TBCK: variants seen among roughly 807,000 people sequenced by gnomAD.
The protein encoded by TBCK is TBC1 domain containing kinase.
A neutral mutation model predicts 113.4 loss-of-function variants in TBCK; 99 were observed. The observed-to-expected ratio is 0.87, with a 90% CI of 0.74 to 1.03. The LOEUF (loss-of-function observed/expected upper bound fraction) is 1.03, where lower values mean the gene tolerates loss of function less well. Ranked by LOEUF, TBCK falls within the 50% of genes least tolerant of loss-of-function variation. The pLI is 0.00. For missense variants in TBCK, 1,045 were observed against 1,061.3 expected, an observed-to-expected ratio of 0.98 and a Z score of 0.21; for synonymous variants, 369 against 370.8, an observed-to-expected ratio of 1.00 and a Z score of 0.05.
At chr4:106,185,356 C>A (rs924275991) in intron 22 of TBCK, among the ~76,000 whole-genome samples, 1 of 151,980 alleles carries the variant, frequency 6.6e-6, no homozygotes, top group Non-Finnish European at 1.5e-5. Flanking sequence ...ACATGAGATT[C>A]ACCCTCTTAC....
At chr4:106,173,524 G>A (rs967264250) in intron 22 of TBCK, among the ~76,000 whole-genome samples, 2 of 152,098 alleles carry the variant, frequency 1.3e-5, no homozygotes, top group African/African-American at 4.8e-5. Context: ...TTGAAGGTGA[G>A]TCAGTGATCT....
Position 106,192,670 on chromosome 4 carries a change from G to A in TBCK, c.2059+939C>T, listed in dbSNP as rs189567574. ...TGATAAAAAATTTCAACAGAGAGGCGGTAAAGTACCAAGTACAGATCATCC... is the reference window on the plus strand; with the variant it reads ...TGATAAAAAATTTCAACAGAGAGGCAGTAAAGTACCAAGTACAGATCATCC... On this transcript the variant is annotated intron_variant, in intron 22 of 25. Coordinates refer to ENST00000394708, the MANE Select transcript of TBCK (RefSeq NM_001163435.3). Among the ~76,000 whole-genome samples, 215 of 151,964 alleles carry A rather than the reference G, an allele frequency of 1.4e-3. 1 individual carries two copies. The highest frequency in any genetic ancestry group is 2.3e-3 in the Non-Finnish European group (154 of 67,910).
chr4:106,241,239 T>A (rs1018281591), intron 12 of TBCK, among the ~76,000 whole-genome samples: 6 of 151,840 alleles, frequency 4.0e-5, no homozygotes, highest in African/African-American at 1.2e-4. Context: ...AATAAAATTG[T>A]TATATAAAAT....
At chr4:106,235,892 T>G (rs1759404126) in intron 14 of TBCK, among the ~76,000 whole-genome samples, 1 of 152,102 alleles carries the variant, frequency 6.6e-6, no homozygotes, top group African/African-American at 2.4e-5. Context: ...GATATATGCA[T>G]TCAAATTGTT....
chr4:106,077,352 C>G (rs750573080), intron 25 of TBCK, among the ~76,000 whole-genome samples: 2 of 152,116 alleles, frequency 1.3e-5, no homozygotes, highest in Non-Finnish European at 1.5e-5. Context: ...AGGCTAAATG[C>G]CTCGATTAAA....
intron 2 of TBCK, among the ~76,000 whole-genome samples, chr4:106,307,806 CCAT>C (rs1185872068): frequency 6.6e-6 from 1 of 151,972 alleles, no homozygotes; most frequent in Non-Finnish European, 1.5e-5. Flanking sequence ...AATATTGCCA[CCAT>C]AAGAATCTTT....
intron 25 of TBCK, among the ~76,000 whole-genome samples, chr4:106,055,473 T>G (rs913035641): frequency 3.3e-5 from 5 of 151,482 alleles, no homozygotes; most frequent in African/African-American, 1.2e-4. Context: ...AATAAATATT[T>G]TTCCTATGGT....
intron 23 of TBCK, among the ~76,000 whole-genome samples, chr4:106,123,003 A>T (rs1464762981): frequency 6.6e-6 from 1 of 152,230 alleles, no homozygotes; most frequent in Non-Finnish European, 1.5e-5. Flanking sequence ...CCTATTCAAC[A>T]TAGTGTTGGA....
At chr4:106,130,756 A>C (rs1745803842) in intron 23 of TBCK, among the ~76,000 whole-genome samples, 1 of 152,172 alleles carries the variant, frequency 6.6e-6, no homozygotes, top group Non-Finnish European at 1.5e-5. Flanking sequence ...TAAAAACATA[A>C]AAATATGCAA....
rs761815146 is a variant in TBCK at position 106,247,197 on chromosome 4, T to C, written c.873A>G (p.Ser291=). The C allele has an allele frequency of 1.2e-6, 2 of 1,613,430 alleles. No homozygotes were observed. Among genetic ancestry groups the C allele is most frequent in the African/African-American group, 1.3e-5 (1 of 74,896 alleles). The change falls in exon 10 of 26, where the codon TCA becomes TCG. Residue 291 remains serine (S), a synonymous_variant. Coordinates refer to ENST00000394708, the MANE Select transcript of TBCK (RefSeq NM_001163435.3). ...TTAAATCAGCACATCTCAGAGAAGA[T>C]GAAAACAGACTGGCAGGTTTGGTAA... The part of the protein sequence containing the change: ...TPFTKPASLF[S]SSLRCADLTL...
chr4:106,088,511 G>C (rs1394741679), intron 25 of TBCK, among the ~76,000 whole-genome samples: 1 of 152,188 alleles, frequency 6.6e-6, no homozygotes, highest in East Asian at 1.9e-4. Context: ...ATGTAAATTA[G>C]TTCAACCATT....
chr4:106,087,763 G>A (rs1266980366), intron 25 of TBCK, among the ~76,000 whole-genome samples: 1 of 152,100 alleles, frequency 6.6e-6, no homozygotes, highest in Non-Finnish European at 1.5e-5. Context: ...ACAGACCAAT[G>A]GAGCAGAACA....
intron 25 of TBCK, among the ~76,000 whole-genome samples, chr4:106,078,910 A>G (rs1032834375): frequency 1.3e-5 from 2 of 152,214 alleles, no homozygotes; most frequent in African/African-American, 4.8e-5. Flanking sequence ...AACCAAATCC[A>G]GCAGTGCATC....
intron 20 of TBCK, among the ~76,000 whole-genome samples, chr4:106,199,240 C>A (rs1213073770): frequency 1.3e-5 from 2 of 152,118 alleles, no homozygotes; most frequent in African/African-American, 4.8e-5. Context: ...TGCAATCTTT[C>A]TTTACCAATC....
At chr4:106,276,881 T>A (rs1764084288) in intron 3 of TBCK, among the ~76,000 whole-genome samples, 1 of 150,966 alleles carries the variant, frequency 6.6e-6, no homozygotes, top group African/African-American at 2.4e-5. Context: ...CATTATAAAA[T>A]AAATAAAATA....
At chr4:106,208,156 T>C (rs1214385144) in intron 20 of TBCK, among the ~76,000 whole-genome samples, 3 of 152,132 alleles carry the variant, frequency 2.0e-5, no homozygotes, top group East Asian at 1.9e-4. Context: ...CACACTACCA[T>C]TGATAGCAGC....
In TBCK at chr4:106,192,372, G is replaced by T. The variant is rs117282263; in HGVS notation, c.2059+1237C>A. On this transcript the variant is annotated intron_variant, in intron 22 of 25. Coordinates refer to ENST00000394708, the MANE Select transcript of TBCK (RefSeq NM_001163435.3). Reference sequence around the variant, plus strand: ...ATGTTTACTTTGGCAAGCTGGAAATGACAAGAAATCATCTGCATAATATAA... The same window carrying T: ...ATGTTTACTTTGGCAAGCTGGAAATTACAAGAAATCATCTGCATAATATAA... 5.9e-5 allele frequency among the ~76,000 whole-genome samples: 9 copies of T among 152,176 alleles called. No individual in the cohort carries two copies. The East Asian group carries it at 1.7e-3, about 29-fold the overall frequency.
chr4:106,245,982 A>G (rs57820715), intron 10 of TBCK, among the ~76,000 whole-genome samples: 2,762 of 152,236 alleles, frequency 0.018, 76 homozygotes, highest in African/African-American at 0.061. Context: ...TAATGAATAC[A>G]TAGTATTGGA....
At chr4:106,151,698 A>G (rs1325630171) in intron 23 of TBCK, among the ~76,000 whole-genome samples, 1 of 152,030 alleles carries the variant, frequency 6.6e-6, no homozygotes, top group Non-Finnish European at 1.5e-5. Flanking sequence ...ACATCTTAAC[A>G]ATATTAATTT....
Sources: allele counts gnomAD v4.1 joint callset (sites outside exome capture counted in the v4.1 genomes callset), GRCh38; gene constraint gnomAD v4.1.1; transcripts MANE v1.5; gene names NCBI Gene and HGNC (gene_info 2026-07-23, HGNC 2026-07-21).